The following DGKI variants were observed in gnomAD, a reference collection of about 807,000 sequenced individuals.
The protein encoded by DGKI is diacylglycerol kinase iota.
A neutral mutation model predicts 147.5 loss-of-function variants in DGKI; 55 were observed. The ratio of observed to expected loss-of-function variants is 0.37; its 90% confidence interval spans 0.30 to 0.47. The LOEUF (loss-of-function observed/expected upper bound fraction) is 0.47. DGKI is among the 20% of genes least tolerant of loss of function. DGKI has a pLI of 1.00. For missense variants in DGKI, 1,007 were observed against 1,323.8 expected (o/e 0.76, Z 3.71); for synonymous variants, 469 against 477.1 (o/e 0.98, Z 0.22).
intron 30 of DGKI, among the ~76,000 whole-genome samples, chr7:137,401,926 C>T (rs1465686938): frequency 6.6e-6 from 1 of 152,152 alleles, no homozygotes; most frequent in Non-Finnish European, 1.5e-5. Context: ...GTGGTGCCAC[C>T]CTGCATTGTG....
At chr7:137,830,904 T>C (rs570343172) in intron 1 of DGKI, among the ~76,000 whole-genome samples, 2 of 152,312 alleles carry the variant, frequency 1.3e-5, no homozygotes, top group South Asian at 4.2e-4. Context: ...CTCCATCAAT[T>C]ATAGCCCTTT....
chr7:137,628,583 G>A (rs1326888856), intron 6 of DGKI, among the ~76,000 whole-genome samples: 1 of 152,176 alleles, frequency 6.6e-6, no homozygotes, highest in African/African-American at 2.4e-5. Flanking sequence ...ACTGACAGAT[G>A]CCCTGACTGA....
intron 27 of DGKI, among the ~76,000 whole-genome samples, chr7:137,449,152 T>G (rs1813847968): frequency 6.6e-6 from 1 of 152,118 alleles, no homozygotes; most frequent in African/African-American, 2.4e-5. Context: ...AAAACGTGTA[T>G]GAAACCACAG....
intron 3 of DGKI, among the ~76,000 whole-genome samples, chr7:137,670,526 T>C (rs905956945): frequency 1.3e-5 from 2 of 152,196 alleles, no homozygotes; most frequent in African/African-American, 4.8e-5. Context: ...CTTCTGCCAC[T>C]GAGAGCACCC....
chr7:137,574,506 A>T (rs909969573), intron 17 of DGKI, among the ~76,000 whole-genome samples: 3 of 152,188 alleles, frequency 2.0e-5, no homozygotes, highest in Non-Finnish European at 2.9e-5. Context: ...ATATTATTGT[A>T]TTTAGAACAG....
intron 1 of DGKI, among the ~76,000 whole-genome samples, chr7:137,764,808 T>C (rs1363086163): frequency 1.3e-5 from 2 of 152,196 alleles, no homozygotes; most frequent in Admixed American, 6.5e-5. Flanking sequence ...CCCTGAGCTA[T>C]GAATATGTTC....
intron 20 of DGKI, among the ~76,000 whole-genome samples, chr7:137,547,007 T>C (rs1459792837): frequency 2.0e-5 from 3 of 152,220 alleles, no homozygotes; most frequent in African/African-American, 7.2e-5. Context: ...GTAGCCTTAA[T>C]TACTAGTGAA....
Position 137,569,220 on chromosome 7 carries a change from A to C in DGKI, c.1947+1955T>G, listed in dbSNP as rs910559601. On this transcript the variant is annotated intron_variant, in intron 19 of 32. Coordinates refer to ENST00000614521, the MANE Select transcript of DGKI (RefSeq NM_001321708.2). ...CCTAAGAGCAATGGGGAAATACTGAATATTCCCCTTGGACTTCCAGGCCTA... is the reference window on the plus strand; with the variant it reads ...CCTAAGAGCAATGGGGAAATACTGACTATTCCCCTTGGACTTCCAGGCCTA... Among the ~76,000 whole-genome samples the C allele has an allele frequency of 7.9e-5, 12 of 152,228 alleles. No individual in the cohort carries two copies. The East Asian group carries it at 1.9e-3, about 25-fold the overall frequency.
chr7:137,698,828 G>T (rs1823882667), intron 1 of DGKI, among the ~76,000 whole-genome samples: 1 of 152,198 alleles, frequency 6.6e-6, no homozygotes. Flanking sequence ...GAGCCCAGAT[G>T]TCTGGCTCCA....
At chr7:137,650,506 C>A (rs1343235160) in intron 5 of DGKI, among the ~76,000 whole-genome samples, 1 of 152,150 alleles carries the variant, frequency 6.6e-6, no homozygotes, top group Non-Finnish European at 1.5e-5. Context: ...TGTTGAAATC[C>A]TAAACCCCAA....
intron 6 of DGKI, among the ~76,000 whole-genome samples, chr7:137,644,760 G>A (rs183062923): frequency 1.1e-4 from 17 of 152,082 alleles, no homozygotes; most frequent in African/African-American, 3.6e-4. Context: ...AGTGATATTC[G>A]CCACCAGTTT....
intron 5 of DGKI, among the ~76,000 whole-genome samples, chr7:137,647,581 C>G (rs1821873618): frequency 6.6e-6 from 1 of 152,186 alleles, no homozygotes; most frequent in Admixed American, 6.5e-5. Flanking sequence ...CTGTGGCTGG[C>G]TGTGGCTTTC....
At chr7:137,698,535 G>A (rs1823871655) in intron 1 of DGKI, among the ~76,000 whole-genome samples, 1 of 152,116 alleles carries the variant, frequency 6.6e-6, no homozygotes, top group Non-Finnish European at 1.5e-5. Flanking sequence ...AGCCCCTGGG[G>A]AGAGTATAAC....
chr7:137,822,172 T>C (rs1237794448), intron 1 of DGKI, among the ~76,000 whole-genome samples: 1 of 152,174 alleles, frequency 6.6e-6, no homozygotes, highest in African/African-American at 2.4e-5. Context: ...TTTGGGAGGC[T>C]GAGGCGGTTG....
At chr7:137,715,501 C>A (rs1457694052) in intron 1 of DGKI, among the ~76,000 whole-genome samples, 8 of 152,176 alleles carry the variant, frequency 5.3e-5, no homozygotes, top group Admixed American at 5.2e-4. Context: ...TTTTGAAAGT[C>A]TCTTAAAGTC....
intron 19 of DGKI, among the ~76,000 whole-genome samples, chr7:137,553,860 T>C (rs892078244): frequency 6.6e-6 from 1 of 152,216 alleles, no homozygotes; most frequent in African/African-American, 2.4e-5. Flanking sequence ...ATGATTTTAC[T>C]CTTTTTATTT....
intron 1 of DGKI, among the ~76,000 whole-genome samples, chr7:137,798,403 C>T (rs1029535571): frequency 2.0e-5 from 3 of 152,024 alleles, no homozygotes; most frequent in Admixed American, 1.3e-4. Context: ...AAAGAGCAGG[C>T]CGATATCTGC....
intron 32 of DGKI, 121 bp from the exon 33 acceptor site, chr7:137,391,457 A>T: frequency 1.5e-6 from 1 of 667,140 alleles, no homozygotes; most frequent in Non-Finnish European, 2.6e-6. Flanking sequence ...CTACGCAAGG[A>T]TACCTGCTAG....
chr7:137,536,496 C>T (rs1585208615), intron 20 of DGKI, among the ~76,000 whole-genome samples: 2 of 152,148 alleles, frequency 1.3e-5, no homozygotes, highest in African/African-American at 4.8e-5. Flanking sequence ...AAGGACAACG[C>T]TGTCTTGTCC....
Sources: allele counts gnomAD v4.1 joint callset (sites outside exome capture counted in the v4.1 genomes callset), GRCh38; gene constraint gnomAD v4.1.1; transcripts MANE v1.5; gene names NCBI Gene and HGNC (gene_info 2026-07-23, HGNC 2026-07-21).